The following TOPBP1 variants were observed in gnomAD, a reference collection of about 807,000 sequenced individuals.
The protein encoded by TOPBP1 is DNA topoisomerase 2-binding protein 1.
Under a neutral mutation model 167.7 loss-of-function variants are expected in TOPBP1, and 28 were observed. That is an observed-to-expected ratio of 0.17 (90% CI 0.12 to 0.23). TOPBP1 has a LOEUF of 0.23. Ranked by LOEUF, TOPBP1 falls within the 10% of genes least tolerant of loss-of-function variation. The probability of loss-of-function intolerance (pLI) is 1.00; values close to 1 mark genes in which losing one functional copy is unlikely to be tolerated. For synonymous variants in TOPBP1, 598 were observed against 611.4 expected, an observed-to-expected ratio of 0.98 and a Z score of 0.32; for missense variants, 1,554 against 1,809.6, an observed-to-expected ratio of 0.86 and a Z score of 2.56.
intron 8 of TOPBP1, 133 bp downstream of exon 8, chr3:133,652,330 G>A (rs1477169266): frequency 2.4e-6 from 2 of 834,806 alleles, no homozygotes; most frequent in African/African-American, 3.5e-5. Flanking sequence ...TCTAGTAAGT[G>A]CATCTACTTA....
chr3:133,658,930 TA>T, intron 3 of TOPBP1, 85 bp downstream of exon 3: 1 of 1,419,384 alleles, frequency 7.0e-7, no homozygotes. Context: ...CATAGTACTT[TA>T]TAATCCGCAA....
At position 133,644,268 on chromosome 3, in the gene TOPBP1, G is replaced by C. The variant is rs867217507; in HGVS notation, c.1600C>G (p.Gln534Glu). 8 of 1,613,698 alleles carry C rather than the reference G, an allele frequency of 5.0e-6. No homozygotes were observed. The Middle Eastern group carries it at 1.3e-3, about 266-fold the overall frequency. Reference protein sequence around the residue: ...STHISLQEENQSSVSHCVPDV... With the variant: ...STHISLQEENESSVSHCVPDV... ...GGGACACAATGACTGACAGAAGACT[G>C]GTTTTCTTCTTGCAAAGAAATGTGA... The change falls in exon 11 of 28, where the codon CAG (glutamine) becomes GAG (glutamate). Residue 534 changes from glutamine (Q) to glutamate (E), a missense_variant. By Grantham distance (29) the Gln-to-Glu change is conservative. Coordinates refer to ENST00000260810, the MANE Select transcript of TOPBP1 (RefSeq NM_007027.4).
intron 20 of TOPBP1, 151 bp downstream of exon 20, chr3:133,620,004 G>C (rs769087923): frequency 1.2e-5 from 9 of 743,632 alleles, no homozygotes; most frequent in Non-Finnish European, 1.7e-5. Flanking sequence ...CACTAGTCTT[G>C]ATATTTAAAT....
rs781222351 is a variant in TOPBP1, at chr3:133,661,067, T to G, written c.61A>C (p.Lys21Gln). The G allele has an allele frequency of 3.3e-5, 52 of 1,596,672 alleles. No homozygotes were observed. Among genetic ancestry groups the G allele is most frequent in the Non-Finnish European group, 4.3e-5 (51 of 1,173,910 alleles). Residue 21 changes from lysine to glutamine, a missense_variant, in exon 2 of 28, where the codon AAA becomes CAA. Lys to Gln is a moderately conservative substitution (Grantham distance 53). Around this residue, in one of 3 missense-constraint regions of TOPBP1, gnomAD observed 1,197 missense variants for 1,351.5 expected, o/e 0.89. Transcript: ENST00000260810. ...ACCTCGAGAGCTTTAAAAAAACATT[T>G]GGAATTGTCTGAAGACTTTAAAAAC... Reference protein sequence around the residue: ...VKFLKSSDNSKCFFKALESIK... With the variant: ...VKFLKSSDNSQCFFKALESIK...
At position 133,620,233 on chromosome 3, in the gene TOPBP1, C is replaced by A; in HGVS notation, c.3293G>T (p.Gly1098Val). ...QGQRTSLSRSGCNSASSTPDS... is the reference protein window; with the variant it reads ...QGQRTSLSRSVCNSASSTPDS... ...AGGGGTTGAAGATGCGCTGTTACAA[C>A]CACTTCTTGAAAGGGAAGTCCTCTG... Residue 1098 changes from glycine to valine, a missense_variant, in exon 20 of 28, where the codon GGT becomes GTT. Around this residue, in one of 3 missense-constraint regions of TOPBP1, gnomAD observed 1,197 missense variants for 1,351.5 expected, o/e 0.89. Coordinates refer to ENST00000260810, the MANE Select transcript of TOPBP1 (RefSeq NM_007027.4). The A allele has an allele frequency of 6.2e-7, 1 of 1,613,926 alleles. No homozygotes were observed. The highest frequency in any genetic ancestry group is 1.3e-5 in the African/African-American group (1 of 75,022).
intron 22 of TOPBP1, 43 bp downstream of exon 22, chr3:133,617,117 G>A (rs1024835268): frequency 6.4e-7 from 1 of 1,552,720 alleles, no homozygotes; most frequent in East Asian, 2.3e-5. Context: ...CAGCCTAACA[G>A]CAGTATGCAA....
At chr3:133,628,770 A>AAG (rs747863535) in intron 14 of TOPBP1, 37 bp from the exon 15 acceptor site, 249 of 1,494,886 alleles carry the variant, frequency 1.7e-4, no homozygotes, top group South Asian at 4.8e-4. Flanking sequence ...TGGAGAAAAG[A>AAG]AGAGAGAGAG....
intron 10 of TOPBP1, among the ~76,000 whole-genome samples, chr3:133,647,390 C>T (rs1362286912): frequency 6.6e-6 from 1 of 152,158 alleles, no homozygotes; most frequent in East Asian, 1.9e-4. Context: ...GTAACAAACC[C>T]CTACCCCAAG....
At chr3:133,622,260 G>A (rs971915928) in intron 19 of TOPBP1, among the ~76,000 whole-genome samples, 2 of 138,186 alleles carry the variant, frequency 1.4e-5, no homozygotes, top group Non-Finnish European at 3.0e-5. Flanking sequence ...GCATGATCTC[G>A]GCTCACCGCA....
Position 133,649,434 on chromosome 3 carries a change from G to C in TOPBP1, c.1453C>G (p.Gln485Glu). ...TGAGAGAGCAGATCTTCATCAGCTTGCTCATGCTTTTCACTAGGAGCAAAG... is the reference window on the plus strand; with the variant it reads ...TGAGAGAGCAGATCTTCATCAGCTTCCTCATGCTTTTCACTAGGAGCAAAG... ...KDFAPSEKHE[Q>E]ADEDLLSQYE... Residue 485 changes from glutamine to glutamate, a missense_variant, in exon 10 of 28, where the codon CAA (glutamine) becomes GAA (glutamate). Around this residue, in one of 3 missense-constraint regions of TOPBP1, gnomAD observed 1,197 missense variants for 1,351.5 expected, o/e 0.89. Transcript: ENST00000260810. 6.2e-7 allele frequency: 1 copy of C among 1,613,786 alleles called. No individual in the cohort carries two copies. Among genetic ancestry groups the C allele is most frequent in the South Asian group, 1.1e-5 (1 of 91,080 alleles).
rs1936728664 is a variant in TOPBP1 at position 133,661,772 on chromosome 3, G to C, written c.-11C>G. The C allele has an allele frequency of 6.5e-6, 1 of 152,694 alleles. No homozygotes were observed. The highest frequency in any genetic ancestry group is 6.5e-5 in the Admixed American group (1 of 15,294). 9.5% of individuals were successfully genotyped at this position (152,694 alleles called of 1,614,324 possible). A position where few individuals can be genotyped will look rare whatever the true frequency, so the allele number is the denominator to read the frequency against. On this transcript the variant is annotated 5_prime_UTR_variant, in exon 1 of 28. Coordinates refer to ENST00000260810, the MANE Select transcript of TOPBP1 (RefSeq NM_007027.4). ...CCCCACTCCGCGCCTCACTTACCTC[G>C]TTGGAGCCTCGGGGTCTCCGGGCGG...
At chr3:133,630,934 C>T (rs970892630) in intron 14 of TOPBP1, among the ~76,000 whole-genome samples, 2 of 152,188 alleles carry the variant, frequency 1.3e-5, no homozygotes, top group Non-Finnish European at 2.9e-5. Context: ...GTTGTTCACG[C>T]TTGTAATTCC....
At chr3:133,601,779 C>T (rs2107763069) in intron 27 of TOPBP1, among the ~76,000 whole-genome samples, 1 of 152,250 alleles carries the variant, frequency 6.6e-6, no homozygotes, top group East Asian at 1.9e-4. Context: ...GCATTTTCCC[C>T]CCACAACCAT....
chr3:133,658,335 C>T (rs1434190053), intron 3 of TOPBP1, among the ~76,000 whole-genome samples: 1 of 151,736 alleles, frequency 6.6e-6, no homozygotes, highest in Non-Finnish European at 1.5e-5. Context: ...GGTGCAGTGG[C>T]GGGCACCTGC....
At chr3:133,617,847 T>C (rs535544420) in intron 21 of TOPBP1, among the ~76,000 whole-genome samples, 1 of 152,042 alleles carries the variant, frequency 6.6e-6, no homozygotes, top group Non-Finnish European at 1.5e-5. Flanking sequence ...CAAATGTAGG[T>C]ATGTGCTAGG....
chr3:133,610,376 C>A (rs1009236527), intron 25 of TOPBP1, among the ~76,000 whole-genome samples: 1 of 152,126 alleles, frequency 6.6e-6, no homozygotes, highest in Non-Finnish European at 1.5e-5. Context: ...GACTTGTGTT[C>A]CTGAACTATG....
chr3:133,656,007 A>G (rs1307876046), intron 5 of TOPBP1, among the ~76,000 whole-genome samples: 1 of 151,778 alleles, frequency 6.6e-6, no homozygotes, highest in East Asian at 1.9e-4. Flanking sequence ...GATGGTGTTG[A>G]AAACAAGCCC....
intron 10 of TOPBP1, among the ~76,000 whole-genome samples, chr3:133,644,935 A>G (rs1226743287): frequency 6.6e-6 from 1 of 152,360 alleles, no homozygotes; most frequent in East Asian, 1.9e-4. Context: ...TTACAAATGC[A>G]TGTAATGCTC....
At position 133,646,142 on chromosome 3, in the gene TOPBP1, T is replaced by A. The variant is rs973909669; in HGVS notation, c.1505-1779A>T. Among the ~76,000 whole-genome samples the A allele has an allele frequency of 4.6e-5, 7 of 151,074 alleles. No homozygotes were observed. In the East Asian group the frequency reaches 1.2e-3, roughly 25 times the overall value. ...AGCCTGGTGACAGAGCAAGACTGCA[T>A]CTCAAAAAAAAAACAAAAAACTCCC... On this transcript the variant is annotated intron_variant, in intron 10 of 27. Transcript: ENST00000260810.
Sources: gnomAD v4.1 joint callset for allele counts (sites outside exome capture counted in the v4.1 genomes callset) on GRCh38, gnomAD v4.1.1 for gene constraint, gnomAD v4.1.1 regional missense constraint, MANE v1.5 for transcripts, NCBI Gene and HGNC (gene_info 2026-07-23, HGNC 2026-07-21) for gene names.